Variants in TJP3 observed in about 807,000 individuals in gnomAD.
The protein encoded by TJP3 is tight junction protein ZO-3.
Under a neutral mutation model 104.2 loss-of-function variants are expected in TJP3, and 85 were observed. The observed-to-expected ratio is 0.82, with a 90% confidence interval of 0.68 to 0.98. The LOEUF (loss-of-function observed/expected upper bound fraction) is 0.98. Among genes scored for constraint, TJP3 ranks in the 50% least tolerant of loss-of-function variants. The pLI, the probability that TJP3 is intolerant of heterozygous loss-of-function variation, is 0.00. For synonymous variants in TJP3, 550 were observed against 550.6 expected, an observed-to-expected ratio of 1.00 and a Z score of 0.02; for missense variants, 1,367 against 1,322.8, an observed-to-expected ratio of 1.03 and a Z score of -0.52.
chr19:3,749,957 C>T (rs1480240772), intron 19 of TJP3, among the ~76,000 whole-genome samples, 181 bp from the exon 20 acceptor site: 1 of 152,206 alleles, frequency 6.6e-6, no homozygotes, highest in East Asian at 1.9e-4. Flanking sequence ...CTAAGGCCTT[C>T]CCCTATCCCA....
intron 1 of TJP3, among the ~76,000 whole-genome samples, chr19:3,716,999 C>T (rs1420780253): frequency 3.1e-5 from 4 of 127,252 alleles, no homozygotes; most frequent in Admixed American, 8.3e-5. Flanking sequence ...GAGTTTCGCT[C>T]TTGTTGCCCA....
chr19:3,721,275 A>G (rs1317474320), intron 1 of TJP3, among the ~76,000 whole-genome samples: 1 of 152,132 alleles, frequency 6.6e-6, no homozygotes, highest in Non-Finnish European at 1.5e-5. Flanking sequence ...GGAAAAAGGC[A>G]CGCAGCCGCT....
chr19:3,740,932 G>T lies in TJP3; in HGVS notation c.1843+169G>T, dbSNP rs555541647. The stretch of plus-strand genomic sequence containing the variant: ...GAGGTAGGAGGATCGCTGAGGCCAG[G>T]AGTTCCAGATCAACCTGGGCGGTAA... On this transcript the variant is annotated intron_variant, in intron 14 of 20. Transcript: ENST00000541714. Among the ~76,000 whole-genome samples, 3 of 152,294 alleles carry T rather than the reference G, an allele frequency of 2.0e-5. No homozygotes were observed. In the East Asian group the frequency reaches 5.8e-4, roughly 29 times the overall value.
In TJP3 at chr19:3,746,131, G is replaced by A; in HGVS notation, c.2010+50G>A. ...CCATTTCATGGATGGGGGAAACCGA[G>A]GCCTGGGCATCCAACTGAATGTCCT... On this transcript the variant is annotated intron_variant, in intron 16 of 20. Transcript: ENST00000541714. This position sits in a 1 kb window ranked among gnomAD's most constrained non-coding sequence, Gnocchi z 4.1. 1.3e-6 allele frequency: 2 copies of A among 1,535,692 alleles called. No individual in the cohort carries two copies. Among genetic ancestry groups the A allele is most frequent in the Non-Finnish European group, 1.8e-6 (2 of 1,125,948 alleles).
In TJP3 at chr19:3,746,868, G is replaced by A. The variant is rs373781194; in HGVS notation, c.2314G>A (p.Glu772Lys). The A allele has an allele frequency of 6.9e-7, 1 of 1,445,812 alleles. No homozygotes were observed. The highest frequency in any genetic ancestry group is 1.4e-5 in the African/African-American group (1 of 70,256). The allele number at this position is 1,445,812 out of a possible 1,614,324, so 89.6% of individuals were successfully genotyped here. Reference sequence around the variant, plus strand: ...GCAGACGCGGCCCATCTGGACGGCGGAAGATCAGGTACTGCCGCGGTGTGG... The same window carrying A: ...GCAGACGCGGCCCATCTGGACGGCGAAAGATCAGGTACTGCCGCGGTGTGG... ...EQQTRPIWTA[E>K]DQLDGSLEDN... Residue 772 changes from glutamate to lysine, a missense_variant, in exon 18 of 21, where the codon GAA becomes AAA. Glu to Lys is a moderately conservative substitution (Grantham distance 56). Coordinates refer to ENST00000541714, the MANE Select transcript of TJP3 (RefSeq NM_001267560.2). The surrounding 1 kb of genome is among the most constrained non-coding windows in gnomAD (Gnocchi z 4.1).
At chr19:3,743,802 T>C (rs2036852159) in intron 14 of TJP3, 137 bp from the exon 15 acceptor site, 2 of 705,134 alleles carry the variant, frequency 2.8e-6, no homozygotes, top group Admixed American at 2.7e-5. Context: ...CTGGGAGATG[T>C]AGTATTTGGC....
At chr19:3,731,389 T>C (rs2036668893) in intron 5 of TJP3, among the ~76,000 whole-genome samples, 1 of 152,068 alleles carries the variant, frequency 6.6e-6, no homozygotes, top group Non-Finnish European at 1.5e-5. Flanking sequence ...TCCCAGCACT[T>C]TGGGAGGCCA....
At position 3,730,774 on chromosome 19, in the gene TJP3, G is replaced by A. The variant is rs560266603; in HGVS notation, c.613+68G>A. ...AGGGCACCGTGGTCGGATGGGCGAC[G>A]GTTTCAAGTGATTCTCCTGCCTCAG... On this transcript the variant is annotated intron_variant, in intron 5 of 20. Transcript: ENST00000541714. The surrounding 1 kb of genome is among the most constrained non-coding windows in gnomAD (Gnocchi z 7.3). 1,741 of 1,470,048 alleles carry A rather than the reference G, an allele frequency of 1.2e-3. 8 individuals are homozygous for A. Among genetic ancestry groups the A allele is most frequent in the South Asian group, 7.7e-3 (592 of 76,948 alleles). 91.1% of individuals were successfully genotyped at this position (1,470,048 alleles called of 1,614,324 possible).
Position 3,746,880 on chromosome 19 carries a change from C to T in TJP3, c.2322+4C>T. ...CATCTGGACGGCGGAAGATCAGGTA[C>T]TGCCGCGGTGTGGGTGGGTCGGGCA... On this transcript the variant is annotated splice_donor_region_variant and intron_variant, in intron 18 of 20. Transcript: ENST00000541714. This position sits in a 1 kb window ranked among gnomAD's most constrained non-coding sequence, Gnocchi z 4.1. The T allele has an allele frequency of 1.9e-6, 3 of 1,559,112 alleles. No homozygotes were observed. The highest frequency in any genetic ancestry group is 1.7e-6 in the Non-Finnish European group (2 of 1,148,364).
intron 1 of TJP3, among the ~76,000 whole-genome samples, chr19:3,719,547 C>T (rs2036522771): frequency 6.6e-6 from 1 of 151,564 alleles, no homozygotes. Flanking sequence ...ACCAGCCTGG[C>T]CAACATGGGG....
chr19:3,748,299 T>G (rs1346414228), intron 19 of TJP3, among the ~76,000 whole-genome samples: 1 of 142,400 alleles, frequency 7.0e-6, no homozygotes, highest in Admixed American at 7.4e-5. Context: ...TGAGACGCAG[T>G]CTTGCTCTGT....
chr19:3,716,415 C>T (rs145987040), intron 1 of TJP3, among the ~76,000 whole-genome samples: 2 of 148,322 alleles, frequency 1.3e-5, no homozygotes, highest in African/African-American at 2.4e-5. Flanking sequence ...GCCAAGGGTC[C>T]CCCTCTGGTG....
chr19:3,736,331 G>T lies in TJP3; in HGVS notation c.1284+10G>T. On this transcript the variant is annotated intron_variant, in intron 11 of 20. Transcript: ENST00000541714. ...AGATCAGATTCTGCAGGTGCTCCGG[G>T]GGCGGCTGGCCAGCCCCACTGATCA... 1 of 1,520,758 alleles carries T rather than the reference G, an allele frequency of 6.6e-7. No individual in the cohort carries two copies. 94.2% of individuals were successfully genotyped at this position (1,520,758 alleles called of 1,614,324 possible). A position where few individuals can be genotyped will look rare whatever the true frequency, so the allele number is the denominator to read the frequency against.
chr19:3,713,961 G>A (rs1310410518), intron 1 of TJP3, among the ~76,000 whole-genome samples: 3 of 150,482 alleles, frequency 2.0e-5, no homozygotes, highest in Admixed American at 6.7e-5. Flanking sequence ...TCTTGACCTC[G>A]TGATCCACCT....
chr19:3,711,965 C>T (rs1410854226), intron 1 of TJP3, among the ~76,000 whole-genome samples: 6 of 151,908 alleles, frequency 3.9e-5, no homozygotes, highest in Non-Finnish European at 8.8e-5. Context: ...GGATTTCAAG[C>T]GAGAGCCACC....
chr19:3,730,097 G>T lies in TJP3; in HGVS notation c.228G>T (p.Gln76His), dbSNP rs772620289. The T allele has an allele frequency of 6.2e-7, 1 of 1,614,160 alleles. No homozygotes were observed. The highest frequency in any genetic ancestry group is 8.5e-7 in the Non-Finnish European group (1 of 1,180,036). ...ATGCCACCTCCGCGTTTGCCATTCA[G>T]ATACTCAAGACCTGCACCAAGATGG... The part of the protein sequence containing the change: ...MENATSAFAI[Q>H]ILKTCTKMAN... The change falls in exon 4 of 21, where the codon CAG becomes CAT. Residue 76 changes from glutamine to histidine, a missense_variant. Gln to His is a conservative substitution (Grantham distance 24). Transcript: ENST00000541714. The surrounding 1 kb of genome is among the most constrained non-coding windows in gnomAD (Gnocchi z 7.3).
rs896449321 is a variant in TJP3, at chr19:3,717,031, T to A, written c.-10+8470T>A. 4.2e-5 allele frequency among the ~76,000 whole-genome samples: 6 copies of A among 143,974 alleles called. 3 individuals carry two copies. Among genetic ancestry groups the A allele is most frequent in the Non-Finnish European group, 6.2e-5 (4 of 64,380 alleles). 94.5% of individuals were successfully genotyped at this position (143,974 alleles called of 152,430 possible). On this transcript the variant is annotated intron_variant, in intron 1 of 20. Coordinates refer to ENST00000541714, the MANE Select transcript of TJP3 (RefSeq NM_001267560.2). Reference sequence around the variant, plus strand: ...CCCAGGCTGGAGTGCAATGGCCCGATTTCGGCTCACTGCAACCTCCGCCTC... The same window carrying A: ...CCCAGGCTGGAGTGCAATGGCCCGAATTCGGCTCACTGCAACCTCCGCCTC...
At chr19:3,750,337 A>G (rs1186770097) in intron 20 of TJP3, among the ~76,000 whole-genome samples, 153 bp downstream of exon 20, 2 of 152,054 alleles carry the variant, frequency 1.3e-5, no homozygotes, top group East Asian at 3.9e-4. Flanking sequence ...GCCCCATATA[A>G]TCAGGGCCAA....
At chr19:3,740,209 C>A (rs879643198) in intron 13 of TJP3, among the ~76,000 whole-genome samples, 8 of 151,214 alleles carry the variant, frequency 5.3e-5, no homozygotes, top group Admixed American at 1.3e-4. Context: ...TCCAACCTGG[C>A]GACGGAGCGA....
Sources: allele counts gnomAD v4.1 joint callset (sites outside exome capture counted in the v4.1 genomes callset), GRCh38; gene constraint gnomAD v4.1.1; non-coding constraint Gnocchi (gnomAD v3.1); transcripts MANE v1.5; gene names NCBI Gene and HGNC (gene_info 2026-07-23, HGNC 2026-07-21).